The following GRIN2B variants were observed in gnomAD, a reference collection of about 807,000 sequenced individuals.
GRIN2B encodes glutamate receptor ionotropic, NMDA 2B.
A neutral mutation model predicts 114.5 loss-of-function variants in GRIN2B; 5 were observed. The observed-to-expected ratio is 0.04, with a 90% CI of 0.02 to 0.09. The LOEUF is 0.09. Ranked by LOEUF, GRIN2B falls within the 10% of genes least tolerant of loss-of-function variation. The pLI, the probability that GRIN2B is intolerant of heterozygous loss-of-function variation, is 1.00. For synonymous variants in GRIN2B, 787 were observed against 745.1 expected, an observed-to-expected ratio of 1.06 and a Z score of -0.92; for missense variants, 1,108 against 1,943.5, an observed-to-expected ratio of 0.57 and a Z score of 8.08.
At chr12:13,933,756 G>A (rs1867080053) in intron 2 of GRIN2B, among the ~76,000 whole-genome samples, 1 of 152,200 alleles carries the variant, frequency 6.6e-6, no homozygotes, top group South Asian at 2.1e-4. Flanking sequence ...CAGGTGCATG[G>A]CCAAGTTGCC....
chr12:13,887,944 C>T (rs890397706), intron 2 of GRIN2B, among the ~76,000 whole-genome samples: 2 of 152,136 alleles, frequency 1.3e-5, no homozygotes, highest in Admixed American at 6.6e-5. Context: ...GGACTTAGCC[C>T]CAGGACTGAC....
chr12:13,917,661 A>AG (rs34100660), intron 2 of GRIN2B, among the ~76,000 whole-genome samples: 38,169 of 152,056 alleles, frequency 0.25, 5,275 homozygotes, highest in East Asian at 0.44. Flanking sequence ...AGTTTTAAGG[A>AG]GTACACTTAC....
chr12:13,775,501 A>G (rs1565532809), intron 3 of GRIN2B, among the ~76,000 whole-genome samples: 1 of 152,258 alleles, frequency 6.6e-6, no homozygotes, highest in Non-Finnish European at 1.5e-5. Flanking sequence ...CTTAGGAAAT[A>G]GTACTGGGAG....
At chr12:13,802,237 G>A (rs1864529088) in intron 3 of GRIN2B, among the ~76,000 whole-genome samples, 1 of 152,036 alleles carries the variant, frequency 6.6e-6, no homozygotes, top group African/African-American at 2.4e-5. Flanking sequence ...TTAAAATCAA[G>A]TGGCTAATAA....
chr12:13,710,644 A>G (rs573482219), intron 4 of GRIN2B, among the ~76,000 whole-genome samples: 1 of 152,288 alleles, frequency 6.6e-6, no homozygotes, highest in African/African-American at 2.4e-5. Context: ...TTCAAAGAGA[A>G]TAAAATACCT....
chr12:13,945,609 G>A (rs1867350309), intron 2 of GRIN2B, among the ~76,000 whole-genome samples: 1 of 152,154 alleles, frequency 6.6e-6, no homozygotes, highest in Admixed American at 6.5e-5. Flanking sequence ...AGCACAGTGG[G>A]CAGCACCAGT....
At position 13,564,472 on chromosome 12, in the gene GRIN2B, C is replaced by T; in HGVS notation, c.2766G>A (p.Leu922=). ...CGGATGACTCCCGTCGGATGAAGTC[C>T]AGGGCGCTCTGCGGTGAGCCATTCA... is the stretch of plus-strand genomic sequence containing the variant. ...SGVNGSPQSA[L]DFIRRESSVY... Residue 922 remains leucine (L), a synonymous_variant, in exon 14 of 14, where the codon CTG becomes CTA. Coordinates refer to ENST00000609686, the MANE Select transcript of GRIN2B (RefSeq NM_000834.5). The surrounding 1 kb of genome is among the most constrained non-coding windows in gnomAD (Gnocchi z 4.8). 6.2e-7 allele frequency: 1 copy of T among 1,614,210 alleles called. No homozygotes were observed. The highest frequency in any genetic ancestry group is 1.1e-5 in the South Asian group (1 of 91,084).
intron 5 of GRIN2B, among the ~76,000 whole-genome samples, chr12:13,618,291 TC>T (rs1949470741): frequency 6.6e-6 from 1 of 152,188 alleles, no homozygotes; most frequent in Admixed American, 6.5e-5. Context: ...GGTCACCCCC[TC>T]CCCAAATAGG....
intron 10 of GRIN2B, among the ~76,000 whole-genome samples, chr12:13,592,063 G>C (rs1247318560): frequency 6.6e-6 from 1 of 152,214 alleles, no homozygotes; most frequent in Admixed American, 6.5e-5. Flanking sequence ...TTGAAAGCAT[G>C]TCTCTTGCCT....
intron 2 of GRIN2B, among the ~76,000 whole-genome samples, chr12:13,925,616 C>G (rs1866899130): frequency 6.6e-6 from 1 of 152,068 alleles, no homozygotes; most frequent in Non-Finnish European, 1.5e-5. Flanking sequence ...ATGGCATTAG[C>G]CTCACACTTA....
chr12:13,764,857 A>C (rs568651033), intron 3 of GRIN2B, among the ~76,000 whole-genome samples: 3 of 152,350 alleles, frequency 2.0e-5, no homozygotes, highest in African/African-American at 7.2e-5. Context: ...TCTTGCCCCC[A>C]TCCTCGTCAG....
At chr12:13,571,244 T>C (rs980395325) in intron 11 of GRIN2B, among the ~76,000 whole-genome samples, 1 of 152,160 alleles carries the variant, frequency 6.6e-6, no homozygotes, top group African/African-American at 2.4e-5. Context: ...GGAGGCCAAA[T>C]GAACAAAGGG....
In GRIN2B at chr12:13,599,824, C is replaced by A. The variant is rs563109826; in HGVS notation, c.2010+8779G>T. ...CCTGCTCCTCCCCACCTGGGAGAGT[C>A]AGTCTGACTGGGAGAGGCCACATAG... On this transcript the variant is annotated intron_variant, in intron 10 of 13. Coordinates refer to ENST00000609686, the MANE Select transcript of GRIN2B (RefSeq NM_000834.5). Among the ~76,000 whole-genome samples the A allele has an allele frequency of 8.5e-5, 13 of 152,294 alleles. No individual in the cohort carries two copies. The South Asian group carries it at 2.7e-3, about 32-fold the overall frequency.
At chr12:13,762,467 G>T (rs1023920802) in intron 3 of GRIN2B, among the ~76,000 whole-genome samples, 1 of 152,212 alleles carries the variant, frequency 6.6e-6, no homozygotes, top group African/African-American at 2.4e-5. Context: ...CGTACTAGCG[G>T]CATTTTTCAG....
At position 13,561,822 on chromosome 12, in the gene GRIN2B, T is replaced by G. The variant is rs1369458671; in HGVS notation, c.*961A>C. ...CTTGCAGGATTGCTCACCGCCTTTTTTTGTTTAGACCACAGAATCTTCTTT... is the reference window on the plus strand; with the variant it reads ...CTTGCAGGATTGCTCACCGCCTTTTGTTGTTTAGACCACAGAATCTTCTTT... On this transcript the variant is annotated 3_prime_UTR_variant, in exon 14 of 14. Transcript: ENST00000609686. 2 of 152,668 alleles carry G rather than the reference T, an allele frequency of 1.3e-5. No individual in the cohort carries two copies. Among genetic ancestry groups the G allele is most frequent in the African/African-American group, 2.4e-5 (1 of 41,462 alleles). The allele number at this position is 152,668 out of a possible 1,614,324, so 9.5% of individuals were successfully genotyped here.
At chr12:13,733,790 C>A (rs1482783035) in intron 4 of GRIN2B, among the ~76,000 whole-genome samples, 1 of 152,076 alleles carries the variant, frequency 6.6e-6, no homozygotes, top group African/African-American at 2.4e-5. Context: ...CTCATATAAT[C>A]AAAAAATCAA....
rs548285163 is a variant in GRIN2B, at chr12:13,846,947, A to G, written c.411+18851T>C. On this transcript the variant is annotated intron_variant, in intron 3 of 13. Coordinates refer to ENST00000609686, the MANE Select transcript of GRIN2B (RefSeq NM_000834.5). ...ACCCAGGAGCGAGAGAGAAAGAGAA[A>G]GGAGTGCAGGCAGAGGAAGGTTAAA... Among the ~76,000 whole-genome samples the G allele has an allele frequency of 2.8e-4, 43 of 152,236 alleles. 1 individual carries two copies. The South Asian group carries it at 8.3e-3, about 29-fold the overall frequency.
intron 3 of GRIN2B, among the ~76,000 whole-genome samples, chr12:13,812,879 T>C (rs1864758607): frequency 6.6e-6 from 1 of 151,834 alleles, no homozygotes; most frequent in South Asian, 2.1e-4. Context: ...GGCAAACTTG[T>C]AACCAGATAT....
At chr12:13,683,114 C>T (rs1950146655) in intron 4 of GRIN2B, among the ~76,000 whole-genome samples, 1 of 152,114 alleles carries the variant, frequency 6.6e-6, no homozygotes, top group Non-Finnish European at 1.5e-5. Flanking sequence ...GGGAACAATG[C>T]TCTCTAGACT....
Sources: gnomAD v4.1 joint callset for allele counts (sites outside exome capture counted in the v4.1 genomes callset) on GRCh38, gnomAD v4.1.1 for gene constraint, Gnocchi (gnomAD v3.1) non-coding constraint, MANE v1.5 for transcripts, NCBI Gene and HGNC (gene_info 2026-07-23, HGNC 2026-07-21) for gene names.